Variants in ATG4C observed in about 807,000 individuals in gnomAD.
ATG4C encodes cysteine protease ATG4C.
ATG4C carries 56 observed loss-of-function variants against 57.6 expected under a neutral mutation model. That is an observed-to-expected ratio of 0.97 (90% CI 0.78 to 1.21). The LOEUF (loss-of-function observed/expected upper bound fraction) is 1.21, where lower values mean the gene tolerates loss of function less well. ATG4C is among the 50% of genes most tolerant of loss of function. The probability of loss-of-function intolerance (pLI) is 0.00; values close to 1 mark genes in which losing one functional copy is unlikely to be tolerated. For missense variants in ATG4C, 595 were observed against 529.8 expected (o/e 1.12, Z -1.21); for synonymous variants, 157 against 174.1 (o/e 0.90, Z 0.78).
Position 62,784,184 on chromosome 1 carries a change from T to A in ATG4C, c.-158T>A, listed in dbSNP as rs1238557173. ...TCGGAACGTCTGCGTGTGTGCGGGC[T>A]GGTTTTGTGGCGGCTGCTGCTAGAG... is the stretch of plus-strand genomic sequence containing the variant. On this transcript the variant is annotated 5_prime_UTR_variant, in exon 1 of 11. Transcript: ENST00000317868. 6.5e-6 allele frequency: 1 copy of A among 153,220 alleles called. No homozygotes were observed. The highest frequency in any genetic ancestry group is 1.5e-5 in the Non-Finnish European group (1 of 68,466). 9.5% of individuals were successfully genotyped at this position (153,220 alleles called of 1,614,324 possible).
In ATG4C at chr1:62,834,167, G is replaced by A. The variant is rs543316907; in HGVS notation, c.1012+51G>A. 9.1e-6 allele frequency: 14 copies of A among 1,540,366 alleles called. No homozygotes were observed. In the African/African-American group the frequency reaches 1.5e-4, roughly 17 times the overall value. On this transcript the variant is annotated intron_variant, in intron 8 of 10. Transcript: ENST00000317868. ...CTTCATTGTTTTCTTTTAAAAGTCA[G>A]AAAGTTAATATGAGATCATCTGGAA...
At chr1:62,841,645 A>T in intron 10 of ATG4C, 98 bp downstream of exon 10, 2 of 1,037,236 alleles carry the variant, frequency 1.9e-6, no homozygotes, top group Non-Finnish European at 2.7e-6. Flanking sequence ...TTTTTATAAA[A>T]TTTCCTCTTG....
chr1:62,823,115 A>G (rs1196566319), intron 6 of ATG4C, among the ~76,000 whole-genome samples: 2 of 152,206 alleles, frequency 1.3e-5, no homozygotes, highest in African/African-American at 4.8e-5. Flanking sequence ...ATATTGTGCC[A>G]CTGCACTCCA....
intron 3 of ATG4C, among the ~76,000 whole-genome samples, chr1:62,805,667 A>C (rs538741456): frequency 1.3e-5 from 2 of 152,248 alleles, no homozygotes; most frequent in African/African-American, 4.8e-5. Context: ...TTCTTTCAAA[A>C]ATTTTCTTAT....
chr1:62,826,574 A>T (rs1665663707), intron 6 of ATG4C, among the ~76,000 whole-genome samples: 1 of 150,070 alleles, frequency 6.7e-6, no homozygotes, highest in African/African-American at 2.5e-5. Context: ...CTTTGTTCAA[A>T]CCACCATCAT....
chr1:62,805,296 A>G, intron 3 of ATG4C, 41 bp downstream of exon 3: 1 of 1,472,854 alleles, frequency 6.8e-7, no homozygotes, highest in Non-Finnish European at 8.9e-7. Context: ...ATTTTTGTAG[A>G]AATCATCATG....
At position 62,827,465 on chromosome 1, in the gene ATG4C, C is replaced by T. The variant is rs147041314; in HGVS notation, c.797-1575C>T. Among the ~76,000 whole-genome samples the T allele has an allele frequency of 4.2e-3, 638 of 152,214 alleles. 6 individuals carry two copies. Among genetic ancestry groups the T allele is most frequent in the African/African-American group, 0.015 (610 of 41,540 alleles). ...GCCACCTTATTTTAAATTGCCTCCC[C>T]CTCAGCATTTCCTGTTCACTCTTCT... On this transcript the variant is annotated intron_variant, in intron 6 of 10. Coordinates refer to ENST00000317868, the MANE Select transcript of ATG4C (RefSeq NM_032852.4).
At chr1:62,846,356 C>T (rs979488460) in intron 10 of ATG4C, among the ~76,000 whole-genome samples, 2 of 152,130 alleles carry the variant, frequency 1.3e-5, no homozygotes. Flanking sequence ...CTTTCTTCCC[C>T]AGCCTCTTAA....
intron 4 of ATG4C, 45 bp from the exon 5 acceptor site, chr1:62,818,960 T>C: frequency 7.3e-7 from 1 of 1,365,266 alleles, no homozygotes. Flanking sequence ...ATTGTTAAAG[T>C]ATCTATTTAA....
chr1:62,847,624 T>C (rs1209159554), intron 10 of ATG4C, among the ~76,000 whole-genome samples: 1 of 152,170 alleles, frequency 6.6e-6, no homozygotes, highest in South Asian at 2.1e-4. Context: ...AGAGTGAGTG[T>C]CTTTCTAATC....
At chr1:62,812,430 G>A (rs1665118593) in intron 3 of ATG4C, among the ~76,000 whole-genome samples, 1 of 152,076 alleles carries the variant, frequency 6.6e-6, no homozygotes, top group Admixed American at 6.6e-5. Flanking sequence ...ACTGCTTCAT[G>A]GTAAAATCTC....
intron 3 of ATG4C, among the ~76,000 whole-genome samples, chr1:62,809,628 T>G (rs1665004679): frequency 6.8e-6 from 1 of 147,436 alleles, no homozygotes; most frequent in Admixed American, 6.8e-5. Flanking sequence ...ATATAATGTA[T>G]CTATATATAC....
At chr1:62,841,652 C>A in intron 10 of ATG4C, 105 bp downstream of exon 10, 1 of 975,360 alleles carries the variant, frequency 1.0e-6, no homozygotes, top group Non-Finnish European at 1.4e-6. Flanking sequence ...AAAATTTCCT[C>A]TTGAATGTTA....
At chr1:62,818,190 A>G (rs761814344) in intron 4 of ATG4C, among the ~76,000 whole-genome samples, 43 of 152,296 alleles carry the variant, frequency 2.8e-4, no homozygotes, top group Middle Eastern at 6.8e-3. Context: ...GATTTCATTT[A>G]TTAACTATTA....
Position 62,819,046 on chromosome 1 carries a change from T to C in ATG4C, c.436T>C (p.Ser146Pro), listed in dbSNP as rs1665385598. The C allele has an allele frequency of 6.3e-7, 1 of 1,588,084 alleles. No homozygotes were observed. The highest frequency in any genetic ancestry group is 8.6e-7 in the Non-Finnish European group (1 of 1,168,128). Residue 146 changes from serine to proline, a missense_variant, in exon 5 of 11, where the codon TCT (serine) becomes CCT (proline). Ser to Pro is a moderately conservative substitution (Grantham distance 74). Transcript: ENST00000317868. ...TGCTTTGAATATTGAAAATTCAGAC[T>C]CTGAATCATGGACTTCCCACACTGT... ...PDALNIENSD[S>P]ESWTSHTVKK...
intron 10 of ATG4C, among the ~76,000 whole-genome samples, chr1:62,850,895 T>C (rs1244207994): frequency 1.9e-4 from 13 of 70,018 alleles, no homozygotes; most frequent in South Asian, 7.3e-4. Context: ...TATATATATA[T>C]ATATATACAT....
chr1:62,851,672 T>C (rs1250855514), intron 10 of ATG4C, among the ~76,000 whole-genome samples: 1 of 152,124 alleles, frequency 6.6e-6, no homozygotes, highest in Non-Finnish European at 1.5e-5. Context: ...GCTGTACTTG[T>C]ATTTAAGAAA....
At chr1:62,803,953 A>C (rs1383464882) in intron 2 of ATG4C, 91 bp downstream of exon 2, 13 of 695,758 alleles carry the variant, frequency 1.9e-5, no homozygotes, top group Non-Finnish European at 3.0e-5. Flanking sequence ...CAATTTCTTG[A>C]GAATAAATGG....
intron 10 of ATG4C, among the ~76,000 whole-genome samples, chr1:62,859,622 C>A (rs978663913): frequency 6.6e-6 from 1 of 152,138 alleles, no homozygotes; most frequent in Admixed American, 6.5e-5. Context: ...ACTTTATAAA[C>A]ACTGTACACT....
Sources: allele counts gnomAD v4.1 joint callset (sites outside exome capture counted in the v4.1 genomes callset), GRCh38; gene constraint gnomAD v4.1.1; transcripts MANE v1.5; gene names NCBI Gene and HGNC (gene_info 2026-07-23, HGNC 2026-07-21).